Variants in MIS18BP1 observed in about 807,000 individuals in gnomAD.
MIS18BP1 encodes MIS18 binding protein 1.
MIS18BP1 carries 72 observed loss-of-function variants against 116.1 expected under a neutral mutation model. The observed-to-expected ratio is 0.62, with a 90% confidence interval of 0.51 to 0.75. MIS18BP1 has a LOEUF of 0.75. Ranked by LOEUF, MIS18BP1 falls within the 30% of genes least tolerant of loss-of-function variation. The pLI is 0.00. For missense variants in MIS18BP1, 1,363 were observed against 1,303.2 expected, an observed-to-expected ratio of 1.05 and a Z score of -0.71; for synonymous variants, 386 against 427.0, an observed-to-expected ratio of 0.90 and a Z score of 1.18.
At chr14:45,222,932 C>T (rs1483350045) in intron 11 of MIS18BP1, among the ~76,000 whole-genome samples, 2 of 152,162 alleles carry the variant, frequency 1.3e-5, no homozygotes, top group Non-Finnish European at 2.9e-5. Context: ...ACTTGCCCCA[C>T]TACTTTGAGG....
At chr14:45,217,301 A>G (rs1417603228) in intron 12 of MIS18BP1, 122 bp from the exon 13 acceptor site, 3 of 1,169,188 alleles carry the variant, frequency 2.6e-6, no homozygotes. Context: ...CAAAAAACTC[A>G]GCCTTGGCCA....
At chr14:45,238,204 T>C (rs1891479175) in intron 4 of MIS18BP1, among the ~76,000 whole-genome samples, 1 of 152,012 alleles carries the variant, frequency 6.6e-6, no homozygotes, top group African/African-American at 2.4e-5. Flanking sequence ...TTTAACAGTA[T>C]TTTATTCCAA....
At chr14:45,206,257 G>C in intron 14 of MIS18BP1, 87 bp from the exon 15 acceptor site, 1 of 841,096 alleles carries the variant, frequency 1.2e-6, no homozygotes, top group Non-Finnish European at 1.9e-6. Context: ...TTTAACCACA[G>C]GTTGAACAAC....
intron 1 of MIS18BP1, among the ~76,000 whole-genome samples, chr14:45,248,867 C>G (rs1198714948): frequency 2.6e-5 from 4 of 152,086 alleles, no homozygotes; most frequent in Non-Finnish European, 1.5e-5. Flanking sequence ...TGTGCTAGTT[C>G]CAGGGGTTCT....
intron 6 of MIS18BP1, 79 bp from the exon 7 acceptor site, chr14:45,232,899 T>C: frequency 1.5e-6 from 1 of 689,020 alleles, no homozygotes; most frequent in East Asian, 2.8e-5. Context: ...ATTACATCAT[T>C]CAAGAAATAT....
At chr14:45,210,313 G>A (rs1890640563) in intron 14 of MIS18BP1, 67 bp downstream of exon 14, 12 of 1,497,658 alleles carry the variant, frequency 8.0e-6, no homozygotes, top group Non-Finnish European at 1.0e-5. Context: ...TGGTCCTCAT[G>A]AAATGTTTAA....
At chr14:45,252,295 C>A (rs1433252351) in intron 1 of MIS18BP1, among the ~76,000 whole-genome samples, 1 of 152,100 alleles carries the variant, frequency 6.6e-6, no homozygotes, top group Admixed American at 6.6e-5. Flanking sequence ...ACAATTTACT[C>A]TATGTATTCA....
chr14:45,252,082 G>A (rs182527558), intron 1 of MIS18BP1, among the ~76,000 whole-genome samples: 95 of 152,156 alleles, frequency 6.2e-4, no homozygotes, highest in African/African-American at 2.1e-3. Flanking sequence ...TAAGGTATAA[G>A]GTGGTTAAGT....
intron 11 of MIS18BP1, among the ~76,000 whole-genome samples, chr14:45,219,137 A>C (rs1333174826): frequency 6.6e-6 from 1 of 152,246 alleles, no homozygotes; most frequent in Non-Finnish European, 1.5e-5. Context: ...TTTAGCCAGA[A>C]AACATCTATG....
At chr14:45,233,186 T>C (rs12433565) in intron 6 of MIS18BP1, among the ~76,000 whole-genome samples, 11,970 of 152,188 alleles carry the variant, frequency 0.079, 624 homozygotes, top group South Asian at 0.16. Context: ...AACAAAGTGA[T>C]TGAGCTATGT....
intron 1 of MIS18BP1, among the ~76,000 whole-genome samples, chr14:45,252,795 G>T (rs1019061423): frequency 4.0e-5 from 6 of 151,004 alleles, no homozygotes; most frequent in Non-Finnish European, 8.9e-5. Flanking sequence ...ATTTATTTTA[G>T]AACAAAGACC....
At chr14:45,251,036 C>CAAAAAA (rs1230380755) in intron 1 of MIS18BP1, among the ~76,000 whole-genome samples, 1 of 59,250 alleles carries the variant, frequency 1.7e-5, no homozygotes. Context: ...GACTCTGCCT[C>CAAAAAA]AAAAAAAAAA....
At chr14:45,244,008 T>C (rs1594527380) in intron 2 of MIS18BP1, among the ~76,000 whole-genome samples, 1 of 152,176 alleles carries the variant, frequency 6.6e-6, no homozygotes, top group East Asian at 1.9e-4. Flanking sequence ...TCCCAGGCTA[T>C]ATGAGAAATA....
chr14:45,221,532 TAA>T (rs1890976376), intron 11 of MIS18BP1, among the ~76,000 whole-genome samples: 1 of 152,222 alleles, frequency 6.6e-6, no homozygotes, highest in Non-Finnish European at 1.5e-5. Flanking sequence ...TACGTATTAA[TAA>T]GTTATTTAAT....
rs1327629552 is a variant in MIS18BP1 at position 45,237,675 on chromosome 14, G to A, written c.1190C>T (p.Thr397Ile). ...CAATTTTCCTTCTACACATATAGCAGTATTATTATTGATGCTTTTAATCAT... is the reference window on the plus strand; with the variant it reads ...CAATTTTCCTTCTACACATATAGCAATATTATTATTGATGCTTTTAATCAT... Reference protein sequence around the residue: ...EWMIKSINNNTAICVEGKLID... With the variant: ...EWMIKSINNNIAICVEGKLID... The change falls in exon 5 of 17, where the codon ACT (threonine) becomes ATT (isoleucine). Residue 397 changes from threonine to isoleucine, a missense_variant. By Grantham distance (89) the Thr-to-Ile change is moderately conservative. Transcript: ENST00000310806. The A allele has an allele frequency of 6.2e-7, 1 of 1,601,340 alleles. No homozygotes were observed. The highest frequency in any genetic ancestry group is 1.8e-5 in the Admixed American group (1 of 56,936).
chr14:45,226,973 C>G, intron 9 of MIS18BP1, 137 bp from the exon 10 acceptor site: 1 of 622,072 alleles, frequency 1.6e-6, no homozygotes, highest in Non-Finnish European at 2.3e-6. Flanking sequence ...TGGACACATT[C>G]CGAAACTTAC....
intron 1 of MIS18BP1, among the ~76,000 whole-genome samples, chr14:45,252,518 T>C (rs1891904885): frequency 6.6e-6 from 1 of 152,246 alleles, no homozygotes. Flanking sequence ...TACCATTTTC[T>C]TGAACTCCTG....
intron 1 of MIS18BP1, among the ~76,000 whole-genome samples, chr14:45,251,900 T>C (rs1891884294): frequency 6.6e-6 from 1 of 152,348 alleles, no homozygotes; most frequent in Admixed American, 6.5e-5. Flanking sequence ...GACACGGAAA[T>C]TCCACTTCTA....
intron 1 of MIS18BP1, 114 bp from the exon 2 acceptor site, chr14:45,247,491 T>C (rs796830824): frequency 5.6e-5 from 23 of 413,600 alleles, no homozygotes; most frequent in African/African-American, 4.1e-4. Flanking sequence ...TTCATAACAA[T>C]ACTAGATAAT....
Sources: allele counts gnomAD v4.1 joint callset (sites outside exome capture counted in the v4.1 genomes callset), GRCh38; gene constraint gnomAD v4.1.1; transcripts MANE v1.5; gene names NCBI Gene and HGNC (gene_info 2026-07-23, HGNC 2026-07-21).